The following WDFY1 variants were observed in gnomAD, a reference collection of about 807,000 sequenced individuals.
WDFY1 encodes WD repeat and FYVE domain containing 1, also known as WD repeat and FYVE domain-containing protein 1.
WDFY1 carries 32 observed loss-of-function variants against 56.4 expected under a neutral mutation model. The observed-to-expected ratio is 0.57, with a 90% CI of 0.43 to 0.76. The LOEUF (loss-of-function observed/expected upper bound fraction) is 0.76, where lower values mean the gene tolerates loss of function less well. Among genes scored for constraint, WDFY1 ranks in the 30% least tolerant of loss-of-function variants. The pLI, the probability that WDFY1 is intolerant of heterozygous loss-of-function variation, is 0.00. For synonymous variants in WDFY1, 192 were observed against 197.3 expected, an observed-to-expected ratio of 0.97 and a Z score of 0.23; for missense variants, 480 against 545.7, an observed-to-expected ratio of 0.88 and a Z score of 1.20.
At chr2:223,880,272 G>C (rs1031477155) in intron 10 of WDFY1, 40 bp from the exon 11 acceptor site, 3 of 1,584,774 alleles carry the variant, frequency 1.9e-6, no homozygotes, top group Non-Finnish European at 2.6e-6. Flanking sequence ...TTACTTGACT[G>C]TACCTAGAGC....
rs1048856985 is a variant in WDFY1 at position 223,877,727 on chromosome 2, G to T, written c.*944C>A. The T allele has an allele frequency of 1.8e-4, 28 of 152,584 alleles. No homozygotes were observed. The highest frequency in any genetic ancestry group is 5.2e-4 in the Admixed American group (8 of 15,260). 9.5% of individuals were successfully genotyped at this position (152,584 alleles called of 1,614,324 possible). ...AAGCTGTGGAGTGCTTTTGTAGGGG[G>T]TATATTAAATTGCCAGAATATTGCA... On this transcript the variant is annotated 3_prime_UTR_variant, in exon 12 of 12. Coordinates refer to ENST00000233055, the MANE Select transcript of WDFY1 (RefSeq NM_020830.5).
At chr2:223,894,172 A>G in intron 8 of WDFY1, 62 bp downstream of exon 8, 1 of 1,576,448 alleles carries the variant, frequency 6.3e-7, no homozygotes, top group Non-Finnish European at 8.7e-7. Flanking sequence ...GTGAAAAGCC[A>G]AGAAGAAGCC....
intron 1 of WDFY1, among the ~76,000 whole-genome samples, chr2:223,922,363 T>C (rs1251555822): frequency 6.6e-6 from 1 of 152,246 alleles, no homozygotes; most frequent in East Asian, 1.9e-4. Flanking sequence ...AGAATGTTTA[T>C]GGATACATTC....
At chr2:223,925,808 A>C (rs1693969830) in intron 1 of WDFY1, among the ~76,000 whole-genome samples, 1 of 152,210 alleles carries the variant, frequency 6.6e-6, no homozygotes, top group Admixed American at 6.5e-5. Flanking sequence ...ATTCCATCTC[A>C]AGAAACCACT....
intron 1 of WDFY1, among the ~76,000 whole-genome samples, chr2:223,929,192 T>TTTTG (rs200204910): frequency 0.024 from 3,201 of 134,934 alleles, 143 homozygotes; most frequent in African/African-American, 0.1. Flanking sequence ...GTTTTTTGTT[T>TTTTG]TTTTTTTTTT....
chr2:223,876,964 TGTTA>T lies in WDFY1; in HGVS notation c.*1703_*1706del, dbSNP rs1692982668. On this transcript the variant is annotated 3_prime_UTR_variant, in exon 12 of 12. Coordinates refer to ENST00000233055, the MANE Select transcript of WDFY1 (RefSeq NM_020830.5). ...ACTACTCAATTTTTCTTCCAAACTA[TGTTA>T]GTAATATACATTTTGCAAAGAGTCT... 2 of 152,214 alleles carry T rather than the reference TGTTA, an allele frequency of 1.3e-5. 1 individual carries two copies. Among genetic ancestry groups the T allele is most frequent in the Non-Finnish European group, 2.9e-5 (2 of 68,034 alleles). The allele number at this position is 152,214 out of a possible 1,614,324, so 9.4% of individuals were successfully genotyped here. A position where few individuals can be genotyped will look rare whatever the true frequency, so the allele number is the denominator to read the frequency against.
intron 2 of WDFY1, among the ~76,000 whole-genome samples, chr2:223,915,795 G>A (rs146379969): frequency 1.3e-5 from 2 of 152,310 alleles, no homozygotes; most frequent in African/African-American, 4.8e-5. Flanking sequence ...GACTGGGGCA[G>A]GTTGGGTAAC....
intron 3 of WDFY1, among the ~76,000 whole-genome samples, chr2:223,906,739 C>T (rs188188995): frequency 3.3e-5 from 5 of 151,764 alleles, no homozygotes; most frequent in Admixed American, 6.6e-5. Flanking sequence ...AGGATGGTCT[C>T]GAACTCCTGA....
At chr2:223,915,472 G>A (rs1025323025) in intron 2 of WDFY1, among the ~76,000 whole-genome samples, 9 of 152,086 alleles carry the variant, frequency 5.9e-5, no homozygotes, top group African/African-American at 2.2e-4. Context: ...TACTATTTGG[G>A]GGAAATGCAA....
At chr2:223,899,159 C>A (rs1693458178) in intron 5 of WDFY1, 89 bp from the exon 6 acceptor site, 1 of 1,057,710 alleles carries the variant, frequency 9.5e-7, no homozygotes, top group South Asian at 1.3e-5. Flanking sequence ...AGTTAGTTTT[C>A]AAAGTTAGAA....
chr2:223,916,811 G>A (rs1693795157), intron 2 of WDFY1, among the ~76,000 whole-genome samples: 1 of 151,102 alleles, frequency 6.6e-6, no homozygotes, highest in African/African-American at 2.4e-5. Context: ...ATATCCCAGG[G>A]CTGCTTTTTT....
At chr2:223,926,209 C>A (rs1346323965) in intron 1 of WDFY1, among the ~76,000 whole-genome samples, 1 of 152,162 alleles carries the variant, frequency 6.6e-6, no homozygotes, top group Admixed American at 6.5e-5. Flanking sequence ...TGCAGTAGCA[C>A]AATCAAGGCT....
At chr2:223,937,479 G>A (rs1689212037) in intron 1 of WDFY1, among the ~76,000 whole-genome samples, 1 of 152,174 alleles carries the variant, frequency 6.6e-6, no homozygotes. Context: ...TTTTCTCTGT[G>A]CTAGGCACTG....
intron 6 of WDFY1, among the ~76,000 whole-genome samples, chr2:223,898,629 C>A (rs1574764551): frequency 6.6e-6 from 1 of 152,168 alleles, no homozygotes; most frequent in South Asian, 2.1e-4. Context: ...TGGTCTCGAA[C>A]TCCTGGCCTC....
chr2:223,901,094 T>C, intron 5 of WDFY1, 89 bp downstream of exon 5: 1 of 1,462,922 alleles, frequency 6.8e-7, no homozygotes, highest in Non-Finnish European at 9.1e-7. Flanking sequence ...ATTCAGTCTT[T>C]AGATCTCAGC....
At chr2:223,934,858 A>T (rs1221694304) in intron 1 of WDFY1, among the ~76,000 whole-genome samples, 1 of 152,230 alleles carries the variant, frequency 6.6e-6, no homozygotes, top group African/African-American at 2.4e-5. Flanking sequence ...TATGTAAATG[A>T]GTAACAGTAA....
intron 1 of WDFY1, among the ~76,000 whole-genome samples, chr2:223,932,024 G>T (rs897534309): frequency 7.9e-5 from 12 of 151,200 alleles, no homozygotes; most frequent in Admixed American, 7.3e-4. Flanking sequence ...ATACCAGAAA[G>T]GGCACTGGAA....
chr2:223,932,363 T>C (rs2053327), intron 1 of WDFY1, among the ~76,000 whole-genome samples: 137,018 of 151,422 alleles, frequency 0.9, 62,092 homozygotes, highest in Non-Finnish European at 0.94. Context: ...ACATTGTGAT[T>C]CGCCCACCTC....
At chr2:223,888,974 G>A (rs1693222236) in intron 8 of WDFY1, among the ~76,000 whole-genome samples, 1 of 146,708 alleles carries the variant, frequency 6.8e-6, no homozygotes, top group Non-Finnish European at 1.5e-5. Context: ...CGTGATCTTG[G>A]CTCACTGCAA....
Sources: allele counts gnomAD v4.1 joint callset (sites outside exome capture counted in the v4.1 genomes callset), GRCh38; gene constraint gnomAD v4.1.1; transcripts MANE v1.5; gene names NCBI Gene and HGNC (gene_info 2026-07-23, HGNC 2026-07-21).